HDC: variants seen among roughly 807,000 people sequenced by gnomAD.
HDC encodes the protein histidine decarboxylase.
HDC carries 27 observed loss-of-function variants against 64.4 expected under a neutral mutation model. The ratio of observed to expected loss-of-function variants is 0.42; its 90% CI spans 0.31 to 0.58. The LOEUF is 0.58. Ranked by LOEUF, HDC falls within the 20% of genes least tolerant of loss-of-function variation. The pLI is 0.16. For missense variants in HDC, 711 were observed against 833.9 expected (o/e 0.85, Z 1.81); for synonymous variants, 305 against 314.2 (o/e 0.97, Z 0.31).
chr15:50,262,852 A>G (rs185568080), intron 2 of HDC, among the ~76,000 whole-genome samples: 74 of 152,168 alleles, frequency 4.9e-4, no homozygotes, highest in African/African-American at 1.7e-3. Context: ...GCCAGGCACT[A>G]CCACCAGCTT....
rs1266939845 is a variant in HDC at position 50,243,180 on chromosome 15, G to A, written c.1205C>T (p.Ala402Val). The A allele has an allele frequency of 1.2e-6, 2 of 1,614,008 alleles. No homozygotes were observed. The highest frequency in any genetic ancestry group is 8.5e-7 in the Non-Finnish European group (1 of 1,179,882). ...VRNDPSFEIP[A>V]KRHLGLVVFR... Reference sequence around the variant, plus strand: ...AACCACCAGGCCAAGGTGCCTCTTGGCAGGAATTTCAAAGGAAGGGTCGTT... The same window carrying A: ...AACCACCAGGCCAAGGTGCCTCTTGACAGGAATTTCAAAGGAAGGGTCGTT... The change falls in exon 11 of 12, where the codon GCC becomes GTC. Residue 402 changes from alanine (A) to valine (V), a missense_variant. By Grantham distance (64) the Ala-to-Val change is moderately conservative. This residue lies in a region of HDC where 483 missense variants were observed against 540.9 expected (regional missense o/e 0.89). Transcript: ENST00000267845.
At chr15:50,246,171 G>A (rs1022497160) in intron 10 of HDC, among the ~76,000 whole-genome samples, 1 of 152,168 alleles carries the variant, frequency 6.6e-6, no homozygotes, top group South Asian at 2.1e-4. Flanking sequence ...TCTGAGCCTT[G>A]CCAGGTTAGA....
At chr15:50,265,157 T>G (rs1307260881) in intron 1 of HDC, among the ~76,000 whole-genome samples, 2 of 152,210 alleles carry the variant, frequency 1.3e-5, no homozygotes, top group Non-Finnish European at 2.9e-5. Context: ...AATGAATGAC[T>G]AAATGAAAGA....
chr15:50,242,997 A>G lies in HDC; in HGVS notation c.1252T>C (p.Cys418Arg). ...LVVFRLKGPN[C>R]LTENVLKEIA... ...TCCTTTAACACATTTTCTGTGAGAC[A>G]ATTAGGACCCTGTTTGAAAAATAAA... Residue 418 changes from cysteine (C) to arginine (R), a missense_variant, in exon 12 of 12, where the codon TGT (cysteine) becomes CGT (arginine). This residue lies in a region of HDC where 483 missense variants were observed against 540.9 expected (regional missense o/e 0.89). Transcript: ENST00000267845. 1 of 1,614,124 alleles carries G rather than the reference A, an allele frequency of 6.2e-7. No homozygotes were observed. The highest frequency in any genetic ancestry group is 1.1e-5 in the South Asian group (1 of 91,084).
intron 10 of HDC, among the ~76,000 whole-genome samples, chr15:50,246,895 AAAC>A (rs1272533299): frequency 4.6e-5 from 7 of 152,240 alleles, no homozygotes; most frequent in African/African-American, 1.7e-4. Flanking sequence ...GCTCATTGGT[AAAC>A]AACCAGTGGT....
intron 4 of HDC, among the ~76,000 whole-genome samples, chr15:50,256,261 A>C (rs1055867400): frequency 6.6e-5 from 10 of 152,250 alleles, no homozygotes; most frequent in African/African-American, 2.2e-4. Flanking sequence ...TGTCCACAAC[A>C]TGCTGCAATT....
At position 50,242,746 on chromosome 15, in the gene HDC, G is replaced by A. The variant is rs2045416496; in HGVS notation, c.1503C>T (p.Ala501=). The A allele has an allele frequency of 2.5e-6, 4 of 1,614,024 alleles. No individual in the cohort carries two copies. The highest frequency in any genetic ancestry group is 3.4e-6 in the Non-Finnish European group (4 of 1,180,020). Residue 501 remains alanine (A), a synonymous_variant, in exon 12 of 12, where the codon GCC becomes GCT. Transcript: ENST00000267845. The part of the protein sequence containing the change: ...ISQIRGARAW[A]CGTSLQSVSG... ...TGACAGACTGAAGGGACGTTCCACA[G>A]GCCCAGGCTCTGGCACCCCTGATTT... is the stretch of plus-strand genomic sequence containing the variant.
At chr15:50,246,003 C>T (rs1298865603) in intron 10 of HDC, among the ~76,000 whole-genome samples, 1 of 152,220 alleles carries the variant, frequency 6.6e-6, no homozygotes, top group Non-Finnish European at 1.5e-5. Flanking sequence ...CTTTAAAGCA[C>T]TTCTCTGTAA....
chr15:50,246,169 T>C (rs532841049), intron 10 of HDC, among the ~76,000 whole-genome samples: 1 of 152,298 alleles, frequency 6.6e-6, no homozygotes, highest in African/African-American at 2.4e-5. Flanking sequence ...CCTCTGAGCC[T>C]TGCCAGGTTA....
At position 50,257,407 on chromosome 15, in the gene HDC, C is replaced by T. The variant is rs1012804957; in HGVS notation, c.441+18G>A. 6.2e-7 allele frequency: 1 copy of T among 1,614,040 alleles called. No homozygotes were observed. The highest frequency in any genetic ancestry group is 1.7e-5 in the Admixed American group (1 of 60,006). The stretch of plus-strand genomic sequence containing the variant: ...TACTTAGCCCCCAAGCTAGGTGAAG[C>T]TTTGCCAAGGGAGGTACCTGCAGGA... On this transcript the variant is annotated intron_variant, in intron 4 of 11. Coordinates refer to ENST00000267845, the MANE Select transcript of HDC (RefSeq NM_002112.4).
intron 1 of HDC, among the ~76,000 whole-genome samples, chr15:50,264,958 G>A (rs1271308363): frequency 6.6e-6 from 1 of 152,294 alleles, no homozygotes; most frequent in Non-Finnish European, 1.5e-5. Context: ...AGTGCCTTAG[G>A]AAAGCAATGG....
At chr15:50,247,403 T>C (rs1218131365) in intron 10 of HDC, among the ~76,000 whole-genome samples, 2 of 152,108 alleles carry the variant, frequency 1.3e-5, no homozygotes, top group African/African-American at 4.8e-5. Flanking sequence ...TTTTTTTAAA[T>C]GTTAAAAAAA....
chr15:50,249,286 A>T (rs1217619352), intron 9 of HDC, among the ~76,000 whole-genome samples: 1 of 152,242 alleles, frequency 6.6e-6, no homozygotes, highest in African/African-American at 2.4e-5. Flanking sequence ...TTTGGAAAAC[A>T]TTTACAGTTA....
chr15:50,264,705 G>A (rs1159278826), intron 1 of HDC, among the ~76,000 whole-genome samples: 1 of 152,068 alleles, frequency 6.6e-6, no homozygotes, highest in Non-Finnish European at 1.5e-5. Context: ...ATCAGCTTAT[G>A]CAAAGTTCTT....
At position 50,242,281 on chromosome 15, in the gene HDC, G is replaced by A. The variant is rs1275349916; in HGVS notation, c.1968C>T (p.Cys656=). Residue 656 remains cysteine (C), a synonymous_variant, in exon 12 of 12, where the codon TGC becomes TGT. Transcript: ENST00000267845. ...GTGTCTAAACCATGGCCTGCAGAGG[G>A]CAACAGGGCAGCTGGAGTCCACATT... ...SSQCGLQLPC[C]PLQAMV The A allele has an allele frequency of 1.9e-6, 3 of 1,614,016 alleles. No individual in the cohort carries two copies. Among genetic ancestry groups the A allele is most frequent in the African/African-American group, 1.3e-5 (1 of 74,932 alleles).
chr15:50,263,210 T>C lies in HDC; in HGVS notation c.204+25A>G. 3 of 1,613,016 alleles carry C rather than the reference T, an allele frequency of 1.9e-6. No individual in the cohort carries two copies. The East Asian group carries it at 6.7e-5, about 36-fold the overall frequency. ...CCTTCTGTGCCCTGAAATCCAGAAC[T>C]GCCCTTGTGGTCACTGTGTCTCACC... is the stretch of plus-strand genomic sequence containing the variant. On this transcript the variant is annotated intron_variant, in intron 2 of 11. Transcript: ENST00000267845.
chr15:50,251,692 C>T (rs151143979), intron 9 of HDC, among the ~76,000 whole-genome samples: 191 of 152,174 alleles, frequency 1.3e-3, no homozygotes, highest in African/African-American at 4.4e-3. Flanking sequence ...GTTTGCTGGG[C>T]GCGGTGGCTC....
At chr15:50,258,278 G>T (rs1157229951) in intron 3 of HDC, 126 bp downstream of exon 3, 10 of 705,060 alleles carry the variant, frequency 1.4e-5, no homozygotes, top group Non-Finnish European at 2.1e-5. Flanking sequence ...TAAGCTTAAA[G>T]AATATAGCCC....
rs1235975264 is a variant in HDC, at chr15:50,252,761, C to T, written c.801G>A (p.Gly267=). 1.9e-6 allele frequency: 3 copies of T among 1,613,252 alleles called. No homozygotes were observed. In the African/African-American group the frequency reaches 4.0e-5, roughly 22 times the overall value. The part of the protein sequence containing the change: ...SELGPICARE[G]LWLHIDAAYA... The stretch of plus-strand genomic sequence containing the variant: ...AAGCAGCATCGATGTGGAGCCACAG[C>T]CCCTCACGGGCACCTGAGGAGGCAA... Residue 267 remains glycine, a synonymous_variant, in exon 8 of 12, where the codon GGG becomes GGA. Transcript: ENST00000267845.
Sources: gnomAD v4.1 joint callset for allele counts (sites outside exome capture counted in the v4.1 genomes callset) on GRCh38, gnomAD v4.1.1 for gene constraint, gnomAD v4.1.1 regional missense constraint, MANE v1.5 for transcripts, NCBI Gene and HGNC (gene_info 2026-07-23, HGNC 2026-07-21) for gene names.